Variants in TXNDC8 observed in about 807,000 individuals in gnomAD.
TXNDC8 encodes the protein thioredoxin domain containing 8, also known as thioredoxin domain-containing protein 8.
A neutral mutation model predicts 12.9 loss-of-function variants in TXNDC8; 15 were observed. That is an observed-to-expected ratio of 1.16 (90% CI 0.78 to 1.79). TXNDC8 has a LOEUF of 1.79. Ranked by LOEUF, TXNDC8 falls within the 40% of genes most tolerant of loss-of-function variation. The pLI is 0.00. For synonymous variants in TXNDC8, 40 were observed against 35.4 expected (o/e 1.13, Z -0.46); for missense variants, 128 against 113.2 (o/e 1.13, Z -0.59).
chr9:110,321,352 GCCATGCTTTCAA>G (rs1839085029), intron 3 of TXNDC8, among the ~76,000 whole-genome samples: 1 of 152,186 alleles, frequency 6.6e-6, no homozygotes. Flanking sequence ...AGAGAAGAGA[GCCATGCTTTCAA>G]GGGAGGTGAG....
At chr9:110,311,196 GATT>G (rs932610757) in intron 3 of TXNDC8, among the ~76,000 whole-genome samples, 5 of 152,014 alleles carry the variant, frequency 3.3e-5, no homozygotes, top group Non-Finnish European at 5.9e-5. Flanking sequence ...AACTTTAAAT[GATT>G]ATTATCACAG....
At chr9:110,329,120 A>C (rs1839452055) in intron 2 of TXNDC8, 112 bp downstream of exon 3, 3 of 914,096 alleles carry the variant, frequency 3.3e-6, no homozygotes, top group Non-Finnish European at 5.1e-6. Context: ...AAAAAATGTA[A>C]AATTCTAGTT....
chr9:110,322,648 C>A, intron 3 of TXNDC8: 1 of 985,386 alleles, frequency 1.0e-6, no homozygotes, highest in Non-Finnish European at 1.2e-6. Context: ...GGAGTAAAAA[C>A]TGTTGAGTGG....
intron 3 of TXNDC8, among the ~76,000 whole-genome samples, chr9:110,325,139 G>A (rs1356895156): frequency 6.6e-6 from 1 of 151,536 alleles, no homozygotes; most frequent in Non-Finnish European, 1.5e-5. Context: ...GAAAAAAAAA[G>A]AACAAAGTAC....
chr9:110,310,339 A>T (rs559540898), intron 3 of TXNDC8, among the ~76,000 whole-genome samples: 3 of 152,288 alleles, frequency 2.0e-5, no homozygotes, highest in Admixed American at 2.0e-4. Flanking sequence ...ATACTTGATT[A>T]TGTAAATTTT....
chr9:110,316,814 G>A (rs773667054), intron 3 of TXNDC8, among the ~76,000 whole-genome samples: 1 of 152,150 alleles, frequency 6.6e-6, no homozygotes, highest in Non-Finnish European at 1.5e-5. Flanking sequence ...AGCTTTTTTT[G>A]TAAAGGATCA....
intron 3 of TXNDC8, among the ~76,000 whole-genome samples, chr9:110,316,396 G>A (rs1287575771): frequency 6.6e-6 from 1 of 151,906 alleles, no homozygotes; most frequent in Non-Finnish European, 1.5e-5. Flanking sequence ...TCCTATCTGG[G>A]CCCCTTTCTC....
chr9:110,304,492 T>C lies in TXNDC8; in HGVS notation c.236A>G (p.Tyr79Cys). The C allele has an allele frequency of 5.6e-6, 9 of 1,610,794 alleles. No homozygotes were observed. The highest frequency in any genetic ancestry group is 7.6e-6 in the Non-Finnish European group (9 of 1,177,920). Reference sequence around the variant, plus strand: ...CAGGTTGCTCATGAATCCACTTCTATAACAGCAAATTATTCTTTTGATTCT... The same window carrying C: ...CAGGTTGCTCATGAATCCACTTCTACAACAGCAAATTATTCTTTTGATTCT... Residue 79 changes from tyrosine (Y) to cysteine (C), a missense_variant, in exon 4 of 5, where the codon TAT (tyrosine) becomes TGT (cysteine). Transcript: ENST00000423740.
chr9:110,319,332 A>G (rs1294306628), intron 3 of TXNDC8, among the ~76,000 whole-genome samples: 1 of 152,206 alleles, frequency 6.6e-6, no homozygotes, highest in East Asian at 1.9e-4. Context: ...CATAAACTTT[A>G]TTTCTAAATT....
intron 3 of TXNDC8, chr9:110,323,053 A>C: frequency 1.0e-6 from 1 of 985,450 alleles, no homozygotes; most frequent in African/African-American, 1.7e-5. Flanking sequence ...TTTAGCCTTG[A>C]TTCTATAGGC....
chr9:110,311,677 C>CA (rs1564096246), intron 3 of TXNDC8, among the ~76,000 whole-genome samples: 211 of 89,158 alleles, frequency 2.4e-3, no homozygotes, highest in African/African-American at 9.6e-3. Context: ...ATAGTATATC[C>CA]TTATATATAT....
chr9:110,319,796 C>T (rs1174652198), intron 3 of TXNDC8, among the ~76,000 whole-genome samples: 2 of 152,162 alleles, frequency 1.3e-5, no homozygotes, highest in Non-Finnish European at 1.5e-5. Context: ...CAATCTTGTC[C>T]TCTTTCTAGC....
At chr9:110,303,089 G>A (rs1463423363), downstream of TXNDC8, among the ~76,000 whole-genome samples, 1 of 151,944 alleles carries the variant, frequency 6.6e-6, no homozygotes, top group Non-Finnish European at 1.5e-5. Flanking sequence ...CATTGGAGAA[G>A]AATTTTGTAC....
intron 2 of TXNDC8, among the ~76,000 whole-genome samples, chr9:110,332,864 A>C (rs984023774): frequency 6.6e-6 from 1 of 152,232 alleles, no homozygotes; most frequent in Non-Finnish European, 1.5e-5. Flanking sequence ...ACTCACTAGA[A>C]TATTTTACAA....
downstream of TXNDC8, among the ~76,000 whole-genome samples, chr9:110,302,084 G>A (rs1385430181): frequency 6.6e-6 from 1 of 152,014 alleles, no homozygotes; most frequent in Admixed American, 6.6e-5. Context: ...CCACCTTCCA[G>A]GCGCAAGTAA....
chr9:110,312,041 G>T (rs956619931), intron 3 of TXNDC8, among the ~76,000 whole-genome samples: 4 of 151,416 alleles, frequency 2.6e-5, no homozygotes, highest in Admixed American at 6.6e-5. Flanking sequence ...CAGAGCAGGA[G>T]TTATCTGCAT....
chr9:110,333,308 T>A (rs1441465761), intron 2 of TXNDC8, among the ~76,000 whole-genome samples: 6 of 152,134 alleles, frequency 3.9e-5, no homozygotes, highest in Non-Finnish European at 8.8e-5. Flanking sequence ...AGAACCGTAT[T>A]CTGAACTGTG....
chr9:110,332,942 A>T (rs1839600299), intron 2 of TXNDC8, among the ~76,000 whole-genome samples: 1 of 152,234 alleles, frequency 6.6e-6, no homozygotes, highest in Non-Finnish European at 1.5e-5. Flanking sequence ...ACATGTATGG[A>T]CCTGGAGGAC....
chr9:110,321,921 C>G (rs1839111792), intron 3 of TXNDC8, among the ~76,000 whole-genome samples: 1 of 152,114 alleles, frequency 6.6e-6, no homozygotes, highest in African/African-American at 2.4e-5. Context: ...GACAGTGCTG[C>G]TCAGATACCA....
Sources: allele counts gnomAD v4.1 joint callset (sites outside exome capture counted in the v4.1 genomes callset), GRCh38; gene constraint gnomAD v4.1.1; transcripts MANE v1.5; gene names NCBI Gene and HGNC (gene_info 2026-07-23, HGNC 2026-07-21).